TRIM5: variants seen among roughly 807,000 people sequenced by gnomAD.
The protein encoded by TRIM5 is tripartite motif-containing protein 5.
In TRIM5, 31 loss-of-function variants were observed where a neutral mutation model predicts 35.6. The observed-to-expected ratio is 0.87, with a 90% confidence interval of 0.65 to 1.18. TRIM5 has a LOEUF of 1.18. Ranked by LOEUF, TRIM5 falls within the 50% of genes most tolerant of loss-of-function variation. TRIM5 has a pLI of 0.00. For missense variants in TRIM5, 609 were observed against 591.6 expected (o/e 1.03, Z -0.31); for synonymous variants, 243 against 215.6 (o/e 1.13, Z -1.11).
intron 4 of TRIM5, among the ~76,000 whole-genome samples, chr11:5,677,591 G>A (rs960901735): frequency 6.6e-6 from 1 of 152,168 alleles, no homozygotes; most frequent in African/African-American, 2.4e-5. Context: ...AGTAGAGACG[G>A]GGTTTCACCG....
At chr11:5,655,217 C>A in the TRIM5 span, among the ~76,000 whole-genome samples, 2 of 151,230 alleles carry the variant, frequency 1.3e-5, no homozygotes, top group Non-Finnish European at 3.0e-5. Context: ...AAGGAAATGG[C>A]CTTTTCTTGC....
At chr11:5,614,013 A>G in the TRIM5 span, among the ~76,000 whole-genome samples, 1 of 152,122 alleles carries the variant, frequency 6.6e-6, no homozygotes, top group South Asian at 2.1e-4. Flanking sequence ...TATAGGTAAG[A>G]CCTGGGGAAG....
At chr11:5,597,353 T>TA in the TRIM5 span, among the ~76,000 whole-genome samples, 2 of 152,238 alleles carry the variant, frequency 1.3e-5, no homozygotes, top group African/African-American at 2.4e-5. Context: ...TGCCTAGCTT[T>TA]AAAAAAATGC....
At chr11:5,604,994 G>A in the TRIM5 span, among the ~76,000 whole-genome samples, 2 of 151,746 alleles carry the variant, frequency 1.3e-5, no homozygotes, top group African/African-American at 4.8e-5. Flanking sequence ...TCTGAGACAG[G>A]TTAGTCACAG....
the TRIM5 span, among the ~76,000 whole-genome samples, chr11:5,650,602 G>A: frequency 6.6e-6 from 1 of 152,196 alleles, no homozygotes; most frequent in Non-Finnish European, 1.5e-5. Flanking sequence ...ATGCACATGT[G>A]AGCCACTTCT....
chr11:5,600,292 G>A, the TRIM5 span, among the ~76,000 whole-genome samples: 11 of 152,154 alleles, frequency 7.2e-5, no homozygotes, highest in Admixed American at 7.2e-4. Context: ...CATTCATAAT[G>A]TTGTTATGTG....
At chr11:5,603,586 C>G in the TRIM5 span, 2 of 1,613,852 alleles carry the variant, frequency 1.2e-6, no homozygotes, top group Admixed American at 3.3e-5. Flanking sequence ...TGGGAAGCAG[C>G]TGAAAGCAGT....
downstream of TRIM5, among the ~76,000 whole-genome samples, chr11:5,660,343 A>T (rs1268441484): frequency 1.3e-5 from 2 of 152,196 alleles, no homozygotes; most frequent in Admixed American, 1.3e-4. Flanking sequence ...ACCCAGTAAC[A>T]ACTGAGGTCT....
chr11:5,677,980 T>A (rs1852122622), intron 4 of TRIM5: 1 of 424,116 alleles, frequency 2.4e-6, no homozygotes. Context: ...TAATTGATCA[T>A]CTCCACTACG....
chr11:5,651,644 T>C, the TRIM5 span, among the ~76,000 whole-genome samples: 127 of 152,330 alleles, frequency 8.3e-4, no homozygotes, highest in Middle Eastern at 3.4e-3. Flanking sequence ...TTTATATTCC[T>C]TTGTGTATAT....
At chr11:5,636,138 T>G in the TRIM5 span, among the ~76,000 whole-genome samples, 1 of 152,224 alleles carries the variant, frequency 6.6e-6, no homozygotes, top group African/African-American at 2.4e-5. Flanking sequence ...CTCCTTAAAC[T>G]GATGATTGGA....
chr11:5,610,586 G>T, the TRIM5 span: 2 of 1,608,372 alleles, frequency 1.2e-6, no homozygotes, highest in Middle Eastern at 1.7e-4. Context: ...TGGCCTCTTT[G>T]GGCTGGCACA....
the TRIM5 span, among the ~76,000 whole-genome samples, chr11:5,591,345 C>T: frequency 3.3e-5 from 5 of 152,142 alleles, no homozygotes; most frequent in African/African-American, 1.2e-4. Flanking sequence ...AGTAGACTGG[C>T]AAGGAGACAG....
At chr11:5,602,975 A>G in the TRIM5 span, among the ~76,000 whole-genome samples, 1 of 152,066 alleles carries the variant, frequency 6.6e-6, no homozygotes, top group African/African-American at 2.4e-5. Flanking sequence ...AAAAGAAAAG[A>G]TCACACAGAC....
chr11:5,609,846 C>G, the TRIM5 span, among the ~76,000 whole-genome samples: 1 of 152,152 alleles, frequency 6.6e-6, no homozygotes, highest in African/African-American at 2.4e-5. Flanking sequence ...TCGCTTGAAC[C>G]TGGGAGGTGG....
Position 5,680,234 on chromosome 11 carries a change from G to A in TRIM5, c.-57C>T. 6.6e-7 allele frequency: 1 copy of A among 1,510,240 alleles called. No individual in the cohort carries two copies. The highest frequency in any genetic ancestry group is 8.9e-7 in the Non-Finnish European group (1 of 1,123,944). The allele number at this position is 1,510,240 out of a possible 1,614,324, so 93.6% of individuals were successfully genotyped here. On this transcript the variant is annotated 5_prime_UTR_variant, in exon 2 of 8. Transcript: ENST00000380034. ...GCTGCTGAGGTTCCTCTTGTTCACAGATCCCTGCATGATTGGGAAGGTTAA... is the reference window on the plus strand; with the variant it reads ...GCTGCTGAGGTTCCTCTTGTTCACAAATCCCTGCATGATTGGGAAGGTTAA...
the TRIM5 span, chr11:5,642,275 T>G: frequency 4.0e-5 from 29 of 728,826 alleles, no homozygotes; most frequent in Non-Finnish European, 5.7e-5. Flanking sequence ...GGCTCTCCCT[T>G]CTCCCCCTCC....
chr11:5,679,688 G>T, intron 2 of TRIM5, 73 bp downstream of exon 2: 1 of 1,477,242 alleles, frequency 6.8e-7, no homozygotes, highest in African/African-American at 1.4e-5. Context: ...GGCAGTTAAT[G>T]TCAAAGGCAA....
At chr11:5,603,227 T>G in the TRIM5 span, 15 of 1,604,022 alleles carry the variant, frequency 9.4e-6, no homozygotes, top group African/African-American at 1.3e-5. Flanking sequence ...ATCCTTTTTT[T>G]GTTTGTTCAT....
Sources: allele counts gnomAD v4.1 joint callset (sites outside exome capture counted in the v4.1 genomes callset), GRCh38; gene constraint gnomAD v4.1.1; transcripts MANE v1.5; gene names NCBI Gene and HGNC (gene_info 2026-07-23, HGNC 2026-07-21).